The following NCKAP5 variants were observed in gnomAD, a reference collection of about 807,000 sequenced individuals.
NCKAP5 encodes NCK associated protein 5, also known as nck-associated protein 5.
A neutral mutation model predicts 167.0 loss-of-function variants in NCKAP5; 92 were observed. The ratio of observed to expected loss-of-function variants is 0.55; its 90% confidence interval spans 0.47 to 0.66. The LOEUF (loss-of-function observed/expected upper bound fraction) is 0.66. NCKAP5 is among the 30% of genes least tolerant of loss of function. The pLI, the probability that NCKAP5 is intolerant of heterozygous loss-of-function variation, is 0.00. For missense variants in NCKAP5, 2,378 were observed against 2,315.0 expected, an observed-to-expected ratio of 1.03 and a Z score of -0.56; for synonymous variants, 891 against 877.4, an observed-to-expected ratio of 1.02 and a Z score of -0.27.
At position 132,728,874 on chromosome 2, in the gene NCKAP5, G is replaced by T; in HGVS notation, c.5522C>A (p.Pro1841Gln). The change falls in exon 18 of 20, where the codon CCA becomes CAA. Residue 1841 changes from proline (P) to glutamine (Q), a missense_variant. Pro to Gln is a moderately conservative substitution (Grantham distance 76). Transcript: ENST00000409261. ...TCSSFGYAED[P>Q]MASQPLPDWG... ...GTCTGGAAGCGGCTGGCTTGCCATT[G>T]GGTCTTCAGCATATCCGAATGATGA... The T allele has an allele frequency of 1.2e-6, 2 of 1,613,954 alleles. No individual in the cohort carries two copies. The highest frequency in any genetic ancestry group is 2.2e-5 in the South Asian group (2 of 91,078).
chr2:132,712,526 C>T (rs1297881598), intron 19 of NCKAP5, among the ~76,000 whole-genome samples: 2 of 151,990 alleles, frequency 1.3e-5, no homozygotes, highest in Admixed American at 1.3e-4. Context: ...GAGGCGGGCA[C>T]CTGTAGTCCC....
intron 6 of NCKAP5, among the ~76,000 whole-genome samples, chr2:133,126,075 C>T (rs776082560): frequency 1.2e-4 from 19 of 152,308 alleles, no homozygotes; most frequent in Middle Eastern, 3.4e-3. Flanking sequence ...CCATCAGGCT[C>T]ATCACACAGC....
At chr2:132,812,857 A>C (rs1685986779) in intron 11 of NCKAP5, among the ~76,000 whole-genome samples, 1 of 152,148 alleles carries the variant, frequency 6.6e-6, no homozygotes, top group South Asian at 2.1e-4. Flanking sequence ...TGGTTCATAG[A>C]TGGTGCCTTC....
intron 2 of NCKAP5, among the ~76,000 whole-genome samples, chr2:133,557,777 G>A (rs186979123): frequency 1.2e-4 from 19 of 152,318 alleles, no homozygotes; most frequent in Admixed American, 9.1e-4. Context: ...GTGCAGTGAC[G>A]AATCACCTCG....
At chr2:132,807,852 T>A (rs1685555179) in intron 11 of NCKAP5, among the ~76,000 whole-genome samples, 1 of 152,174 alleles carries the variant, frequency 6.6e-6, no homozygotes, top group South Asian at 2.1e-4. Context: ...GAGGGAATGA[T>A]TTCAACTTTT....
chr2:133,438,410 A>G (rs10199285), intron 3 of NCKAP5, among the ~76,000 whole-genome samples: 28,089 of 152,206 alleles, frequency 0.18, 2,787 homozygotes, highest in African/African-American at 0.23. Flanking sequence ...TTCTTTTATG[A>G]TTATACTTGT....
At chr2:133,058,136 T>A (rs1018404633) in intron 6 of NCKAP5, among the ~76,000 whole-genome samples, 4 of 151,988 alleles carry the variant, frequency 2.6e-5, no homozygotes, top group South Asian at 2.1e-4. Context: ...AAAAAAAAAA[T>A]TCCTTTCAAA....
At chr2:133,655,952 T>G in the NCKAP5 span, among the ~76,000 whole-genome samples, 1 of 152,204 alleles carries the variant, frequency 6.6e-6, no homozygotes, top group Non-Finnish European at 1.5e-5. Context: ...TAATCTAGGC[T>G]CTGAGATTAT....
intron 10 of NCKAP5, among the ~76,000 whole-genome samples, chr2:132,864,821 G>A (rs912099894): frequency 1.3e-5 from 2 of 152,178 alleles, no homozygotes; most frequent in African/African-American, 4.8e-5. Flanking sequence ...TGTCTATCAT[G>A]GGAATACATG....
intron 8 of NCKAP5, among the ~76,000 whole-genome samples, chr2:132,945,015 C>T (rs1463244687): frequency 6.6e-6 from 1 of 152,118 alleles, no homozygotes; most frequent in Non-Finnish European, 1.5e-5. Context: ...AGGCCTTGTG[C>T]TCTGGGTCCC....
chr2:133,651,529 G>T, the NCKAP5 span, among the ~76,000 whole-genome samples: 1 of 152,138 alleles, frequency 6.6e-6, no homozygotes. Flanking sequence ...TGTTAGTGAG[G>T]CTGTGGAGAA....
At chr2:133,431,366 A>G (rs573317988) in intron 3 of NCKAP5, among the ~76,000 whole-genome samples, 36 of 152,284 alleles carry the variant, frequency 2.4e-4, no homozygotes, top group African/African-American at 8.7e-4. Flanking sequence ...TAATTACTGT[A>G]TGTTGATACA....
At chr2:133,173,576 A>C (rs1224469449) in intron 5 of NCKAP5, among the ~76,000 whole-genome samples, 4 of 152,152 alleles carry the variant, frequency 2.6e-5, no homozygotes, top group African/African-American at 7.2e-5. Flanking sequence ...GGTTTACCAG[A>C]ATCCCCCCTT....
intron 4 of NCKAP5, chr2:133,268,920 A>G (rs1306845541): frequency 6.6e-6 from 1 of 152,230 alleles, no homozygotes; most frequent in African/African-American, 2.4e-5. Context: ...TTACAGAATG[A>G]AGTATCATGC....
intron 3 of NCKAP5, among the ~76,000 whole-genome samples, chr2:133,496,407 G>T (rs960968691): frequency 6.6e-6 from 1 of 151,992 alleles, no homozygotes; most frequent in Non-Finnish European, 1.5e-5. Context: ...CCCTTCCCTT[G>T]GCCATTTATA....
intron 7 of NCKAP5, among the ~76,000 whole-genome samples, chr2:132,979,991 TTTTTC>T (rs1451697881): frequency 1.7e-3 from 241 of 145,914 alleles, no homozygotes; most frequent in African/African-American, 5.6e-3. Flanking sequence ...TTTCTTTTTC[TTTTTC>T]TTTTTTTTTT....
chr2:132,865,400 G>A (rs1438224409), intron 10 of NCKAP5, among the ~76,000 whole-genome samples: 1 of 152,098 alleles, frequency 6.6e-6, no homozygotes, highest in Non-Finnish European at 1.5e-5. Context: ...ACAATCTCAG[G>A]ATTAAATACT....
intron 19 of NCKAP5, among the ~76,000 whole-genome samples, chr2:132,683,795 G>A (rs191847690): frequency 7.2e-5 from 11 of 152,298 alleles, no homozygotes; most frequent in Admixed American, 3.9e-4. Flanking sequence ...AGGAAGTTTG[G>A]TGACCCATCT....
At chr2:133,388,481 G>T (rs1384855786) in intron 3 of NCKAP5, among the ~76,000 whole-genome samples, 4 of 152,240 alleles carry the variant, frequency 2.6e-5, no homozygotes, top group Non-Finnish European at 5.9e-5. Context: ...AGGCTACTCG[G>T]GGGTCAGGGA....
Sources: gnomAD v4.1 joint callset for allele counts (sites outside exome capture counted in the v4.1 genomes callset) on GRCh38, gnomAD v4.1.1 for gene constraint, MANE v1.5 for transcripts, NCBI Gene and HGNC (gene_info 2026-07-23, HGNC 2026-07-21) for gene names.